Variants in GRB10 observed in about 807,000 individuals in gnomAD.
GRB10 encodes the protein growth factor receptor-bound protein 10.
In GRB10, 20 loss-of-function variants were observed where a neutral mutation model predicts 80.9. That is an observed-to-expected ratio of 0.25 (90% CI 0.17 to 0.36). The LOEUF is 0.36. GRB10 is among the 10% of genes least tolerant of loss of function. The pLI, the probability that GRB10 is intolerant of heterozygous loss-of-function variation, is 1.00. For synonymous variants in GRB10, 291 were observed against 291.5 expected, an observed-to-expected ratio of 1.00 and a Z score of 0.02; for missense variants, 548 against 747.7, an observed-to-expected ratio of 0.73 and a Z score of 3.12.
At position 50,592,544 on chromosome 7, in the gene GRB10, A is replaced by G; in HGVS notation, c.*408T>C. The G allele has an allele frequency of 3.6e-6, 1 of 280,364 alleles. No individual in the cohort carries two copies. Among genetic ancestry groups the G allele is most frequent in the Non-Finnish European group, 7.0e-6 (1 of 142,874 alleles). 17.4% of individuals were successfully genotyped at this position (280,364 alleles called of 1,614,324 possible). On this transcript the variant is annotated 3_prime_UTR_variant, in exon 19 of 19. Transcript: ENST00000401949. ...AGGCTGAATACAATATTGAAAACAA[A>G]GAAGGAGTGCAAAAAAGTGATCAAT...
At position 50,605,284 on chromosome 7, in the gene GRB10, C is replaced by T. The variant is rs542158062; in HGVS notation, c.1389+6G>A. 4 of 1,607,368 alleles carry T rather than the reference C, an allele frequency of 2.5e-6. No homozygotes were observed. The highest frequency in any genetic ancestry group is 2.2e-5 in the South Asian group (2 of 91,014). ...CCCTCCAGGCTGGCCAGGGCCGGGG[C>T]CTTACCCTCCAGGCGTGGCCCTCCT... is the stretch of plus-strand genomic sequence containing the variant. On this transcript the variant is annotated splice_donor_region_variant and intron_variant, in intron 15 of 18. Transcript: ENST00000401949.
chr7:50,612,885 A>C (rs749420809), intron 12 of GRB10, 46 bp from the exon 13 acceptor site: 5 of 1,292,778 alleles, frequency 3.9e-6, no homozygotes, highest in Non-Finnish European at 5.6e-6. Context: ...ACAGGGAGTC[A>C]GAAACAGCTT....
At position 50,592,851 on chromosome 7, in the gene GRB10, C is replaced by A. The variant is rs2045973570; in HGVS notation, c.*101G>T. On this transcript the variant is annotated 3_prime_UTR_variant, in exon 19 of 19. Transcript: ENST00000401949. ...CGAACAAACCCATCTCGCTCTGGGT[C>A]CCCAGGTGCAGAATCGATGTGTGTT... is the stretch of plus-strand genomic sequence containing the variant. 1.1e-5 allele frequency: 15 copies of A among 1,342,498 alleles called. No individual in the cohort carries two copies. The Admixed American group carries it at 1.5e-4, about 14-fold the overall frequency. 83.2% of individuals were successfully genotyped at this position (1,342,498 alleles called of 1,614,324 possible).
chr7:50,619,446 T>A (rs1287142707), intron 8 of GRB10, among the ~76,000 whole-genome samples, 161 bp from the exon 9 acceptor site: 1 of 152,234 alleles, frequency 6.6e-6, no homozygotes, highest in Admixed American at 6.5e-5. Flanking sequence ...CTTTAATGCA[T>A]TACCAAATGC....
intron 13 of GRB10, among the ~76,000 whole-genome samples, chr7:50,607,635 G>A (rs1182705848): frequency 6.6e-6 from 1 of 152,190 alleles, no homozygotes; most frequent in African/African-American, 2.4e-5. Context: ...TTATCCCCAT[G>A]TTACAGAGCA....
rs947125107 is a variant in GRB10, at chr7:50,724,448, A to G, written c.51+7824T>C. Among the ~76,000 whole-genome samples the G allele has an allele frequency of 2.6e-5, 4 of 152,368 alleles. No homozygotes were observed. The South Asian group carries it at 8.3e-4, about 32-fold the overall frequency. On this transcript the variant is annotated intron_variant, in intron 4 of 18. Transcript: ENST00000401949. The stretch of plus-strand genomic sequence containing the variant: ...ACACATTTTCTCAATGTCTCTACTT[A>G]TCATGAACTGGAAATAAACACGACC...
chr7:50,591,433 A>C lies in GRB10; in HGVS notation c.*1519T>G, dbSNP rs2045836207. 1 of 152,260 alleles carries C rather than the reference A, an allele frequency of 6.6e-6. No individual in the cohort carries two copies. The highest frequency in any genetic ancestry group is 2.4e-5 in the African/African-American group (1 of 41,422). The allele number at this position is 152,260 out of a possible 1,614,324, so 9.4% of individuals were successfully genotyped here. A position where few individuals can be genotyped will look rare whatever the true frequency, so the allele number is the denominator to read the frequency against. The stretch of plus-strand genomic sequence containing the variant: ...GGCAATATCATGGCCAGCACACATT[A>C]ATAGAAGCCAGGCAGGTGTTGTCTT... On this transcript the variant is annotated 3_prime_UTR_variant, in exon 19 of 19. Coordinates refer to ENST00000401949, the MANE Select transcript of GRB10 (RefSeq NM_001350814.2).
chr7:50,716,385 C>A (rs2066879294), intron 4 of GRB10, among the ~76,000 whole-genome samples: 2 of 152,078 alleles, frequency 1.3e-5, no homozygotes, highest in African/African-American at 4.8e-5. Flanking sequence ...AGAATAGCCC[C>A]CTCCCAAGAA....
chr7:50,616,137 G>C, intron 11 of GRB10, 73 bp downstream of exon 11: 1 of 1,567,040 alleles, frequency 6.4e-7, no homozygotes, highest in Non-Finnish European at 8.8e-7. Context: ...ATGAAGCCCA[G>C]GTTCACTCTG....
chr7:50,730,126 G>A (rs1189207251), intron 4 of GRB10, among the ~76,000 whole-genome samples: 3 of 152,170 alleles, frequency 2.0e-5, no homozygotes, highest in African/African-American at 7.2e-5. Flanking sequence ...GAATTATGAT[G>A]TGTCACATTC....
intron 3 of GRB10, among the ~76,000 whole-genome samples, chr7:50,749,912 T>C (rs1169726552): frequency 6.6e-6 from 1 of 152,234 alleles, no homozygotes. Flanking sequence ...TCTTATTGCA[T>C]GTTATTACAT....
At chr7:50,717,429 ACT>A (rs1289549293) in intron 4 of GRB10, among the ~76,000 whole-genome samples, 8 of 142,966 alleles carry the variant, frequency 5.6e-5, no homozygotes, top group African/African-American at 1.3e-4. Context: ...AGAGACACTC[ACT>A]CACATGAGAA....
chr7:50,606,516 G>A (rs1465297227), intron 13 of GRB10, 102 bp from the exon 14 acceptor site: 1 of 827,912 alleles, frequency 1.2e-6, no homozygotes, highest in African/African-American at 1.7e-5. Context: ...TGCGGAACAG[G>A]GAGTGATGCC....
At position 50,715,565 on chromosome 7, in the gene GRB10, C is replaced by G. The variant is rs114811803; in HGVS notation, c.52-11657G>C. Among the ~76,000 whole-genome samples, 1,262 of 152,274 alleles carry G rather than the reference C, an allele frequency of 8.3e-3. 19 individuals are homozygous for G. The highest frequency in any genetic ancestry group is 0.029 in the African/African-American group (1,201 of 41,562). On this transcript the variant is annotated intron_variant, in intron 4 of 18. Coordinates refer to ENST00000401949, the MANE Select transcript of GRB10 (RefSeq NM_001350814.2). Reference sequence around the variant, plus strand: ...GCATGAGCCAAATGTTTACAAACTGCCAGTGTGACAAACTATGATTCTGAG... The same window carrying G: ...GCATGAGCCAAATGTTTACAAACTGGCAGTGTGACAAACTATGATTCTGAG...
At chr7:50,599,425 A>G (rs1406699013) in intron 17 of GRB10, among the ~76,000 whole-genome samples, 3 of 152,202 alleles carry the variant, frequency 2.0e-5, no homozygotes, top group African/African-American at 7.2e-5. Flanking sequence ...AAAGATTAGA[A>G]ATGGATTATT....
chr7:50,614,349 C>T (rs1001719745), intron 12 of GRB10, among the ~76,000 whole-genome samples: 2 of 152,208 alleles, frequency 1.3e-5, no homozygotes, highest in Non-Finnish European at 2.9e-5. Context: ...GTGTCTATTC[C>T]TGTCTGACCA....
intron 3 of GRB10, among the ~76,000 whole-genome samples, chr7:50,733,022 C>A (rs1432514401): frequency 6.6e-6 from 1 of 152,204 alleles, no homozygotes; most frequent in Non-Finnish European, 1.5e-5. Context: ...CCCAAAGTTC[C>A]TAAGCTGCAG....
At chr7:50,644,522 C>T (rs1414637104) in intron 7 of GRB10, among the ~76,000 whole-genome samples, 1 of 152,184 alleles carries the variant, frequency 6.6e-6, no homozygotes, top group East Asian at 1.9e-4. Context: ...CTGTCTTTAT[C>T]AGGACAACTT....
At chr7:50,707,955 C>A (rs2065275394) in intron 4 of GRB10, among the ~76,000 whole-genome samples, 1 of 152,166 alleles carries the variant, frequency 6.6e-6, no homozygotes, top group Non-Finnish European at 1.5e-5. Context: ...AAGTAACTTG[C>A]AAACCTAATT....
Sources: allele counts gnomAD v4.1 joint callset (sites outside exome capture counted in the v4.1 genomes callset), GRCh38; gene constraint gnomAD v4.1.1; transcripts MANE v1.5; gene names NCBI Gene and HGNC (gene_info 2026-07-23, HGNC 2026-07-21).